The following HS3ST3A1 variants were observed in gnomAD, a reference collection of about 807,000 sequenced individuals.
The protein encoded by HS3ST3A1 is heparan sulfate glucosamine 3-O-sulfotransferase 3A1.
A neutral mutation model predicts 25.7 loss-of-function variants in HS3ST3A1; 19 were observed. That is an observed-to-expected ratio of 0.74 (90% confidence interval 0.52 to 1.08). HS3ST3A1 has a LOEUF of 1.08. Ranked by LOEUF, HS3ST3A1 falls within the 50% of genes least tolerant of loss-of-function variation. HS3ST3A1 has a pLI of 0.00. For missense variants in HS3ST3A1, 459 were observed against 594.3 expected (o/e 0.77, Z 2.37); for synonymous variants, 226 against 278.6 (o/e 0.81, Z 1.88).
chr17:13,555,349 C>T (rs545947798), intron 1 of HS3ST3A1, among the ~76,000 whole-genome samples: 22 of 152,292 alleles, frequency 1.4e-4, no homozygotes, highest in African/African-American at 5.1e-4. Flanking sequence ...GTGTCGCATT[C>T]AACATTAAAC....
At chr17:13,534,570 A>AAAAAAAAAAAAAAAAAAC (rs1906711136) in intron 1 of HS3ST3A1, among the ~76,000 whole-genome samples, 1 of 147,666 alleles carries the variant, frequency 6.8e-6, no homozygotes. Flanking sequence ...AAAAAAAAAA[A>AAAAAAAAAAAAAAAAAAC]AAAAAAAGTT....
intron 1 of HS3ST3A1, among the ~76,000 whole-genome samples, chr17:13,571,855 G>A (rs962499121): frequency 2.9e-4 from 44 of 152,156 alleles, no homozygotes; most frequent in African/African-American, 9.7e-4. Flanking sequence ...CACCTCCCAG[G>A]TTCAAGCGTT....
At chr17:13,544,817 A>T (rs1907038690) in intron 1 of HS3ST3A1, among the ~76,000 whole-genome samples, 1 of 151,094 alleles carries the variant, frequency 6.6e-6, no homozygotes, top group African/African-American at 2.4e-5. Context: ...AACAGAAAGG[A>T]ACCCTGATTG....
rs137900641 is a variant in HS3ST3A1 at position 13,549,186 on chromosome 17, C to T, written c.599+51345G>A. Among the ~76,000 whole-genome samples, 1,456 of 152,206 alleles carry T rather than the reference C, an allele frequency of 9.6e-3. 36 individuals carry two copies. The highest frequency in any genetic ancestry group is 0.068 in the South Asian group (327 of 4,826). ...ACCCACTGGGAGGAACAAACAACTCCGGACACGCTGGCTTTAAGAGCTGTA... is the reference window on the plus strand; with the variant it reads ...ACCCACTGGGAGGAACAAACAACTCTGGACACGCTGGCTTTAAGAGCTGTA... On this transcript the variant is annotated intron_variant, in intron 1 of 1. Transcript: ENST00000284110.
In HS3ST3A1 at chr17:13,580,897, CA is replaced by C. The variant is rs1749000888; in HGVS notation, c.599+19633del. Among the ~76,000 whole-genome samples the C allele has an allele frequency of 4.0e-5, 6 of 151,702 alleles. No individual in the cohort carries two copies. In the South Asian group the frequency reaches 1.3e-3, roughly 32 times the overall value. On this transcript the variant is annotated intron_variant, in intron 1 of 1. Coordinates refer to ENST00000284110, the MANE Select transcript of HS3ST3A1 (RefSeq NM_006042.3). ...CAAGAGCAAAACTCCATCTCAAAAA[CA>C]AACAAAAAAAAGAACACACACAGTC...
intron 1 of HS3ST3A1, among the ~76,000 whole-genome samples, chr17:13,579,715 A>C (rs1567628732): frequency 7.0e-6 from 1 of 142,230 alleles, no homozygotes; most frequent in Non-Finnish European, 1.6e-5. Context: ...AAAAAAAAAA[A>C]AAAAAAAAAA....
chr17:13,583,284 G>A (rs1158159780), intron 1 of HS3ST3A1, among the ~76,000 whole-genome samples: 2 of 152,096 alleles, frequency 1.3e-5, no homozygotes, highest in Non-Finnish European at 2.9e-5. Context: ...AGCATTTGAT[G>A]AGGGCTACTT....
intron 1 of HS3ST3A1, among the ~76,000 whole-genome samples, chr17:13,555,567 A>G (rs1385224487): frequency 6.6e-6 from 1 of 152,198 alleles, no homozygotes; most frequent in Non-Finnish European, 1.5e-5. Flanking sequence ...CCTAGACTTG[A>G]TTAAAGAGTT....
At chr17:13,544,529 CCTGCGCCGTCTGGCA>C (rs987301484) in intron 1 of HS3ST3A1, among the ~76,000 whole-genome samples, 1 of 152,120 alleles carries the variant, frequency 6.6e-6, no homozygotes, top group Non-Finnish European at 1.5e-5. Context: ...CTTTTCAGGC[CCTGCGCCGTCTGGCA>C]CAGCCCCAGC....
At chr17:13,544,415 C>T (rs1295169691) in intron 1 of HS3ST3A1, among the ~76,000 whole-genome samples, 1 of 152,206 alleles carries the variant, frequency 6.6e-6, no homozygotes, top group African/African-American at 2.4e-5. Context: ...TCTGGGACGA[C>T]CTTCCTAACT....
intron 1 of HS3ST3A1, among the ~76,000 whole-genome samples, chr17:13,552,438 C>T (rs945291860): frequency 6.6e-6 from 1 of 152,188 alleles, no homozygotes; most frequent in African/African-American, 2.4e-5. Flanking sequence ...ACCTAAGCAC[C>T]AGGCATGGCA....
chr17:13,596,247 T>G (rs1275803516), intron 1 of HS3ST3A1, among the ~76,000 whole-genome samples: 1 of 152,132 alleles, frequency 6.6e-6, no homozygotes, highest in Non-Finnish European at 1.5e-5. Flanking sequence ...TTTGGTGTTG[T>G]TTAATGCCCG....
chr17:13,548,898 T>C (rs1439974644), intron 1 of HS3ST3A1, among the ~76,000 whole-genome samples: 1 of 152,016 alleles, frequency 6.6e-6, no homozygotes, highest in Non-Finnish European at 1.5e-5. Flanking sequence ...CAATCAGCAC[T>C]CTGTAAAATG....
Position 13,600,970 on chromosome 17 carries a change from C to A in HS3ST3A1, c.160G>T (p.Val54Leu). The A allele has an allele frequency of 2.3e-5, 36 of 1,554,000 alleles. No individual in the cohort carries two copies. Among genetic ancestry groups the A allele is most frequent in the Non-Finnish European group, 3.0e-5 (35 of 1,150,022 alleles). The change falls in exon 1 of 2, where the codon GTG becomes TTG. Residue 54 changes from valine (V) to leucine (L), a missense_variant. Transcript: ENST00000284110. ...TCCTCGCCGCCGCCGGACAGCCCCACGACGGGGCCGGACAGGGTCTGGCAG... is the reference window on the plus strand; with the variant it reads ...TCCTCGCCGCCGCCGGACAGCCCCAAGACGGGGCCGGACAGGGTCTGGCAG... The part of the protein sequence containing the change: ...ERCQTLSGPV[V>L]GLSGGGEEAG...
chr17:13,541,227 T>A (rs1029558944), intron 1 of HS3ST3A1, among the ~76,000 whole-genome samples: 1 of 152,052 alleles, frequency 6.6e-6, no homozygotes, highest in African/African-American at 2.4e-5. Context: ...GAAAGAAAAA[T>A]TCCAGCCATA....
intron 1 of HS3ST3A1, among the ~76,000 whole-genome samples, chr17:13,572,689 T>C (rs1907849865): frequency 6.6e-6 from 1 of 152,222 alleles, no homozygotes; most frequent in Non-Finnish European, 1.5e-5. Flanking sequence ...CTGCCTGATC[T>C]TCACACCCAT....
intron 1 of HS3ST3A1, among the ~76,000 whole-genome samples, chr17:13,531,795 A>G (rs1394018219): frequency 6.6e-6 from 1 of 152,194 alleles, no homozygotes; most frequent in Admixed American, 6.5e-5. Context: ...ATTAATATGC[A>G]AATTTCTCCT....
intron 1 of HS3ST3A1, among the ~76,000 whole-genome samples, chr17:13,503,467 G>T (rs1279459679): frequency 6.6e-6 from 1 of 152,108 alleles, no homozygotes; most frequent in Admixed American, 6.6e-5. Context: ...ATAAATGTTT[G>T]AGGTGATGGA....
chr17:13,571,773 G>GT (rs1206860336), intron 1 of HS3ST3A1, among the ~76,000 whole-genome samples: 2 of 152,238 alleles, frequency 1.3e-5, no homozygotes, highest in South Asian at 2.1e-4. Context: ...TGTTGTTGTT[G>GT]TTTTGAGGTG....
Sources: gnomAD v4.1 joint callset for allele counts (sites outside exome capture counted in the v4.1 genomes callset) on GRCh38, gnomAD v4.1.1 for gene constraint, MANE v1.5 for transcripts, NCBI Gene and HGNC (gene_info 2026-07-23, HGNC 2026-07-21) for gene names.